Variants in LMF1 observed in about 807,000 individuals in gnomAD.
LMF1 encodes transmembrane protein 112.
Under a neutral mutation model 60.6 loss-of-function variants are expected in LMF1, and 68 were observed. The ratio of observed to expected loss-of-function variants is 1.12; its 90% CI spans 0.92 to 1.37. The LOEUF is 1.37. Ranked by LOEUF, LMF1 falls within the 40% of genes most tolerant of loss-of-function variation. LMF1 has a pLI of 0.00. For missense variants in LMF1, 948 were observed against 767.2 expected (o/e 1.24, Z -2.78); for synonymous variants, 418 against 324.7 (o/e 1.29, Z -3.09).
chr16:959,628 G>A (rs1294281553), intron 1 of LMF1, among the ~76,000 whole-genome samples: 3 of 152,244 alleles, frequency 2.0e-5, no homozygotes, highest in East Asian at 3.8e-4. Flanking sequence ...GGCAGGAGCC[G>A]CCTAAGCAAC....
At position 853,754 on chromosome 16, in the gene LMF1, G is replaced by T. The variant is rs749728582; in HGVS notation, c.*778C>A. 4.4e-6 allele frequency: 2 copies of T among 454,164 alleles called. No homozygotes were observed. The highest frequency in any genetic ancestry group is 1.6e-5 in the South Asian group (1 of 64,480). 28.1% of individuals were successfully genotyped at this position (454,164 alleles called of 1,614,324 possible). A position where few individuals can be genotyped will look rare whatever the true frequency, so the allele number is the denominator to read the frequency against. On this transcript the variant is annotated 3_prime_UTR_variant, in exon 11 of 11. Transcript: ENST00000262301. ...CGCTGTTTGTCCGACGATGATGAAA[G>T]TGTGCACGGCCGGCTGTCCTCCGAT...
chr16:952,944 GCCTCCTGCACGTCCACACAGAC>G (rs1312322454), intron 2 of LMF1, among the ~76,000 whole-genome samples: 6 of 102,940 alleles, frequency 5.8e-5, no homozygotes, highest in East Asian at 6.0e-4. Flanking sequence ...CCCCAAACCA[GCCTCCTGCACGTCCACACAGAC>G]ACCCCAAACC....
intron 4 of LMF1, chr16:893,279 G>C (rs1038613934): frequency 6.0e-6 from 4 of 670,886 alleles, no homozygotes; most frequent in Non-Finnish European, 1.1e-5. Flanking sequence ...GAGGACAGGA[G>C]TTTAGTGCAC....
At position 884,348 on chromosome 16, in the gene LMF1, G is replaced by A. The variant is rs112725595; in HGVS notation, c.730-4611C>T. Among the ~76,000 whole-genome samples the A allele has an allele frequency of 2.4e-3, 363 of 152,342 alleles. 4 individuals carry two copies. Among genetic ancestry groups the A allele is most frequent in the African/African-American group, 8.3e-3 (344 of 41,574 alleles). ...CTTACATGCAAATAAAGATGTTACA[G>A]AGTATGTACATAAGGAGTTGTCACA... is the stretch of plus-strand genomic sequence containing the variant. On this transcript the variant is annotated intron_variant, in intron 5 of 10. Transcript: ENST00000262301.
Position 869,955 on chromosome 16 carries a change from G to T in LMF1, c.1344C>A (p.Pro448=). Residue 448 remains proline (P), a synonymous_variant, in exon 9 of 11, where the codon CCC becomes CCA. Transcript: ENST00000262301. ...DYEFKCKPGD[P]SRRPCLISPY... is the part of the protein sequence containing the mutation. ...GGGAGATGAGGCAGGGCCGTCTGCT[G>T]GGGTCACCTGGCTTGCACTTGAACT... is the stretch of plus-strand genomic sequence containing the variant. 6.2e-7 allele frequency: 1 copy of T among 1,613,350 alleles called. No individual in the cohort carries two copies. Among genetic ancestry groups the T allele is most frequent in the African/African-American group, 1.3e-5 (1 of 75,064 alleles).
At chr16:909,482 C>A (rs978902874) in intron 4 of LMF1, among the ~76,000 whole-genome samples, 1 of 152,108 alleles carries the variant, frequency 6.6e-6, no homozygotes, top group Admixed American at 6.5e-5. Context: ...CACAGAACCA[C>A]GCTATGCGCT....
At chr16:867,324 G>A (rs1356437059) in intron 10 of LMF1, among the ~76,000 whole-genome samples, 1 of 152,188 alleles carries the variant, frequency 6.6e-6, no homozygotes, top group Non-Finnish European at 1.5e-5. Context: ...AGCACCTCCT[G>A]GCTGAGAAAC....
At chr16:914,961 C>A (rs1251510930) in intron 3 of LMF1, among the ~76,000 whole-genome samples, 2 of 152,266 alleles carry the variant, frequency 1.3e-5, no homozygotes, top group Non-Finnish European at 2.9e-5. Flanking sequence ...CCACACAGCT[C>A]TCAGCCCTAA....
intron 5 of LMF1, among the ~76,000 whole-genome samples, chr16:885,287 A>G (rs1259655450): frequency 6.6e-6 from 1 of 152,270 alleles, no homozygotes; most frequent in East Asian, 1.9e-4. Context: ...AAAATATTCA[A>G]TTAATCCAGA....
chr16:860,304 G>A (rs1445062248), intron 10 of LMF1, among the ~76,000 whole-genome samples: 5 of 151,100 alleles, frequency 3.3e-5, no homozygotes, highest in Non-Finnish European at 4.4e-5. Flanking sequence ...ACTCTGCCTG[G>A]CCCTAGATCC....
chr16:879,016 G>A (rs2070080571), intron 6 of LMF1, among the ~76,000 whole-genome samples: 1 of 152,074 alleles, frequency 6.6e-6, no homozygotes, highest in African/African-American at 2.4e-5. Context: ...TCTGTCCTTC[G>A]AGGCGCCCTC....
At chr16:979,337 G>C (rs1314376491) in intron 1 of LMF1, 3 of 353,680 alleles carry the variant, frequency 8.5e-6, no homozygotes, top group Admixed American at 7.4e-5. Context: ...CGCCCTCCCG[G>C]GAGTGCACCA....
intron 3 of LMF1, chr16:931,802 T>A: frequency 7.8e-7 from 1 of 1,283,456 alleles, no homozygotes. Flanking sequence ...CGCTGCAGGG[T>A]CAGACACAAC....
intron 2 of LMF1, among the ~76,000 whole-genome samples, chr16:948,001 C>A (rs2072288836): frequency 6.6e-6 from 1 of 150,920 alleles, no homozygotes; most frequent in Non-Finnish European, 1.5e-5. Flanking sequence ...GAGCCAACGA[C>A]AGAGTCAGCC....
intron 10 of LMF1, among the ~76,000 whole-genome samples, chr16:861,442 C>T (rs1487243313): frequency 1.4e-5 from 2 of 146,336 alleles, no homozygotes; most frequent in Non-Finnish European, 3.0e-5. Flanking sequence ...ACTGTAACCT[C>T]TGCCTCCCCG....
At chr16:951,274 C>T (rs3865200) in intron 2 of LMF1, among the ~76,000 whole-genome samples, 60,047 of 140,876 alleles carry the variant, frequency 0.43, 12,082 homozygotes, top group African/African-American at 0.62. Flanking sequence ...TCAGAGCCAA[C>T]GACAGAGTCA....
At position 976,781 on chromosome 16, in the gene LMF1, T is replaced by G. The variant is rs372344358; in HGVS notation, c.-135+4364A>C. 1.3e-3 allele frequency: 588 copies of G among 454,114 alleles called. 12 individuals are homozygous for G. The highest frequency in any genetic ancestry group is 9.0e-3 in the South Asian group (579 of 64,470). 28.1% of individuals were successfully genotyped at this position (454,114 alleles called of 1,614,324 possible). On this transcript the variant is annotated intron_variant, in intron 1 of 6. Transcript: ENST00000570014. Reference sequence around the variant, plus strand: ...CATCCGTGATCTGGGCGTGCACCTGTCACTGGGGAGAGAGCAGTGCTGGTC... The same window carrying G: ...CATCCGTGATCTGGGCGTGCACCTGGCACTGGGGAGAGAGCAGTGCTGGTC...
intron 5 of LMF1, among the ~76,000 whole-genome samples, chr16:890,317 G>A (rs1347616574): frequency 6.6e-6 from 1 of 152,194 alleles, no homozygotes; most frequent in Admixed American, 6.5e-5. Context: ...GGGGCTCCTG[G>A]GCCCCGTCCC....
At position 934,464 on chromosome 16, in the gene LMF1, A is replaced by T. The variant is rs568695381; in HGVS notation, c.504-210T>A. 578 of 594,748 alleles carry T rather than the reference A, an allele frequency of 9.7e-4. 1 individual carries two copies. Among genetic ancestry groups the T allele is most frequent in the Non-Finnish European group, 1.4e-3 (478 of 333,346 alleles). 36.8% of individuals were successfully genotyped at this position (594,748 alleles called of 1,614,324 possible). On this transcript the variant is annotated intron_variant, in intron 2 of 10. Transcript: ENST00000262301. ...AGGCAGGCCCAGAACAGGCAACCAA[A>T]ACATATTCCAAGATACACCTACTAA...
Sources: allele counts gnomAD v4.1 joint callset (sites outside exome capture counted in the v4.1 genomes callset), GRCh38; gene constraint gnomAD v4.1.1; transcripts MANE v1.5; gene names NCBI Gene and HGNC (gene_info 2026-07-23, HGNC 2026-07-21).